CACNG5: variants seen among roughly 807,000 people sequenced by gnomAD.
The protein encoded by CACNG5 is calcium voltage-gated channel auxiliary subunit gamma 5.
A neutral mutation model predicts 24.8 loss-of-function variants in CACNG5; 18 were observed. That is an observed-to-expected ratio of 0.73 (90% confidence interval 0.50 to 1.08). CACNG5 has a LOEUF of 1.08. Among genes scored for constraint, CACNG5 ranks in the 50% least tolerant of loss-of-function variants. The probability of loss-of-function intolerance (pLI) is 0.00; values close to 1 mark genes in which losing one functional copy is unlikely to be tolerated. For missense variants in CACNG5, 349 were observed against 367.9 expected (o/e 0.95, Z 0.42); for synonymous variants, 157 against 149.1 (o/e 1.05, Z -0.39).
At position 66,854,567 on chromosome 17, in the gene CACNG5, G is replaced by A. The variant is rs184921078; in HGVS notation, c.-104+19317G>A. On this transcript the variant is annotated intron_variant, in intron 1 of 5. Transcript: ENST00000533854. ...AAATTAGCCAGGCATGGTGGTGGGC[G>A]CCTGTAATCCTAGCTACTCAGGAGG... is the stretch of plus-strand genomic sequence containing the variant. Among the ~76,000 whole-genome samples the A allele has an allele frequency of 6.3e-4, 96 of 151,200 alleles. 1 individual carries two copies. Among genetic ancestry groups the A allele is most frequent in the African/African-American group, 2.2e-3 (92 of 41,180 alleles).
At chr17:66,881,971 A>G (rs1291568133) in intron 4 of CACNG5, among the ~76,000 whole-genome samples, 1 of 152,052 alleles carries the variant, frequency 6.6e-6, no homozygotes, top group Non-Finnish European at 1.5e-5. Flanking sequence ...ACTTTAGGAG[A>G]AGACTTAGAT....
At chr17:66,877,641 G>T (rs1977102814) in intron 2 of CACNG5, 113 bp downstream of exon 2, 1 of 863,670 alleles carries the variant, frequency 1.2e-6, no homozygotes, top group Non-Finnish European at 1.8e-6. Flanking sequence ...ATTCACCACG[G>T]ATGATCCCTA....
chr17:66,870,002 G>C (rs1976981604), intron 1 of CACNG5, among the ~76,000 whole-genome samples: 1 of 151,982 alleles, frequency 6.6e-6, no homozygotes, highest in Admixed American at 6.6e-5. Flanking sequence ...AGAATCGCTT[G>C]AACCCGGGAG....
intron 1 of CACNG5, among the ~76,000 whole-genome samples, chr17:66,870,754 G>T (rs888128906): frequency 6.6e-6 from 1 of 152,170 alleles, no homozygotes; most frequent in African/African-American, 2.4e-5. Context: ...CGAGGCAGGT[G>T]AATCACTTGA....
intron 1 of CACNG5, among the ~76,000 whole-genome samples, chr17:66,863,397 C>T (rs1976891039): frequency 6.6e-6 from 1 of 151,784 alleles, no homozygotes; most frequent in Non-Finnish European, 1.5e-5. Context: ...GATGGAGTCT[C>T]ACTTTGTCAC....
chr17:66,872,015 T>A (rs1977014870), intron 1 of CACNG5, among the ~76,000 whole-genome samples: 1 of 152,176 alleles, frequency 6.6e-6, no homozygotes, highest in East Asian at 1.9e-4. Flanking sequence ...GGAGAATAGA[T>A]CACTCTAATC....
At chr17:66,852,452 G>T (rs1456529993) in intron 1 of CACNG5, among the ~76,000 whole-genome samples, 1 of 152,028 alleles carries the variant, frequency 6.6e-6, no homozygotes, top group Non-Finnish European at 1.5e-5. Context: ...AATTGAAGCA[G>T]AATTAAAATA....
chr17:66,884,622 G>T lies in CACNG5; in HGVS notation c.531G>T (p.Trp177Cys). The change falls in exon 5 of 6, where the codon TGG (tryptophan) becomes TGT (cysteine). Residue 177 changes from tryptophan to cysteine, a missense_variant. Trp to Cys is a radical substitution (Grantham distance 215). Transcript: ENST00000533854. Reference sequence around the variant, plus strand: ...CCTACTTCAACTACAAGTATGGGTGGTCGTTTGCCTTCGCCGCCATCTCCT... The same window carrying T: ...CCTACTTCAACTACAAGTATGGGTGTTCGTTTGCCTTCGCCGCCATCTCCT... ...AETYFNYKYGWSFAFAAISFL... is the reference protein window; with the variant it reads ...AETYFNYKYGCSFAFAAISFL... 6.2e-7 allele frequency: 1 copy of T among 1,614,178 alleles called. No homozygotes were observed. Among genetic ancestry groups the T allele is most frequent in the Non-Finnish European group, 8.5e-7 (1 of 1,180,028 alleles).
At chr17:66,849,039 G>C (rs563725585) in intron 1 of CACNG5, among the ~76,000 whole-genome samples, 81 of 152,276 alleles carry the variant, frequency 5.3e-4, no homozygotes, top group African/African-American at 1.9e-3. Context: ...CCTAGAGCCG[G>C]GAGGCCATGG....
intron 1 of CACNG5, among the ~76,000 whole-genome samples, chr17:66,876,711 G>A (rs1371961714): frequency 6.6e-6 from 1 of 152,106 alleles, no homozygotes; most frequent in Non-Finnish European, 1.5e-5. Context: ...CCTTCCCAAG[G>A]CTGCTGCCAT....
chr17:66,840,653 T>C lies in CACNG5; in HGVS notation c.-104+5403T>C, dbSNP rs74523132. Reference sequence around the variant, plus strand: ...TGTGGGTTTTAAAAATACCCCAGAGTTGAAAAACGAGAAGCAGCTGCTGGT... The same window carrying C: ...TGTGGGTTTTAAAAATACCCCAGAGCTGAAAAACGAGAAGCAGCTGCTGGT... On this transcript the variant is annotated intron_variant, in intron 1 of 5. Transcript: ENST00000533854. Among the ~76,000 whole-genome samples, 623 of 151,844 alleles carry C rather than the reference T, an allele frequency of 4.1e-3. 5 individuals are homozygous for C. Among genetic ancestry groups the C allele is most frequent in the Middle Eastern group, 6.8e-3 (2 of 294 alleles).
intron 1 of CACNG5, among the ~76,000 whole-genome samples, chr17:66,848,123 C>T (rs1976662792): frequency 6.6e-6 from 1 of 152,240 alleles, no homozygotes; most frequent in Admixed American, 6.5e-5. Flanking sequence ...CCAGCTCCAC[C>T]TGAGACTGCC....
chr17:66,881,740 G>A (rs1184190248), intron 4 of CACNG5, among the ~76,000 whole-genome samples: 1 of 151,722 alleles, frequency 6.6e-6, no homozygotes, highest in African/African-American at 2.4e-5. Context: ...GCAAATGTTG[G>A]TCATGGAAGA....
chr17:66,875,259 C>A (rs3760267), intron 1 of CACNG5, among the ~76,000 whole-genome samples: 2 of 152,076 alleles, frequency 1.3e-5, no homozygotes, highest in Non-Finnish European at 2.9e-5. Flanking sequence ...CCTCTGCCCA[C>A]GCTGTTGCAT....
chr17:66,863,729 TG>T (rs1976894653), intron 1 of CACNG5, among the ~76,000 whole-genome samples: 1 of 152,208 alleles, frequency 6.6e-6, no homozygotes, highest in African/African-American at 2.4e-5. Context: ...TCTTCTCTTC[TG>T]CATTTCTATG....
chr17:66,862,445 G>T (rs185713341), intron 1 of CACNG5, among the ~76,000 whole-genome samples: 1 of 152,084 alleles, frequency 6.6e-6, no homozygotes, highest in East Asian at 1.9e-4. Flanking sequence ...GTATATGTGT[G>T]TGTGTGTGCA....
intron 1 of CACNG5, among the ~76,000 whole-genome samples, chr17:66,839,492 G>A (rs1976534245): frequency 6.6e-6 from 1 of 152,044 alleles, no homozygotes; most frequent in Non-Finnish European, 1.5e-5. Flanking sequence ...GTCAAGCAGG[G>A]TCAGGGTTTA....
intron 3 of CACNG5, among the ~76,000 whole-genome samples, chr17:66,879,773 GC>G (rs1977132213): frequency 6.6e-6 from 1 of 152,168 alleles, no homozygotes; most frequent in African/African-American, 2.4e-5. Flanking sequence ...GCTCAACTGA[GC>G]TTTGGTGTCC....
At chr17:66,876,979 C>CTGAATGAATGAATGAA (rs3834579) in intron 1 of CACNG5, among the ~76,000 whole-genome samples, 23 of 149,116 alleles carry the variant, frequency 1.5e-4, no homozygotes, top group Non-Finnish European at 1.9e-4. Flanking sequence ...CAATGGGTTG[C>CTGAATGAATGAATGAA]TGAATGAATG....
Sources: allele counts gnomAD v4.1 joint callset (sites outside exome capture counted in the v4.1 genomes callset), GRCh38; gene constraint gnomAD v4.1.1; transcripts MANE v1.5; gene names NCBI Gene and HGNC (gene_info 2026-07-23, HGNC 2026-07-21).